DIAPH2: variants seen among roughly 807,000 people sequenced by gnomAD.
DIAPH2 encodes the protein diaphanous related formin 2, also known as protein diaphanous homolog 2.
DIAPH2 carries 35 observed loss-of-function variants against 92.7 expected under a neutral mutation model. The observed-to-expected ratio is 0.38, with a 90% CI of 0.29 to 0.50. The LOEUF (loss-of-function observed/expected upper bound fraction) is 0.50, where lower values mean the gene tolerates loss of function less well. Ranked by LOEUF, DIAPH2 falls within the 20% of genes least tolerant of loss-of-function variation. The probability of loss-of-function intolerance (pLI) is 0.94; values close to 1 mark genes in which losing one functional copy is unlikely to be tolerated. For synonymous variants in DIAPH2, 301 were observed against 280.4 expected (o/e 1.07, Z -0.73); for missense variants, 701 against 819.5 (o/e 0.86, Z 1.77).
intron 17 of DIAPH2, among the ~76,000 whole-genome samples, chrX:97,005,952 ACTT>A (rs1282151333): frequency 9.9e-6 from 1 of 100,816 alleles, no homozygotes; most frequent in Non-Finnish European, 2.0e-5. Context: ...ATAGCTCTAA[ACTT>A]CTTTGTAGTA....
intron 22 of DIAPH2, among the ~76,000 whole-genome samples, chrX:97,245,874 A>G (rs756113520): frequency 4.6e-5 from 5 of 109,550 alleles, no homozygotes; most frequent in African/African-American, 1.7e-4. Flanking sequence ...CCTAAATAAC[A>G]TAAGTGACTG....
intron 4 of DIAPH2, among the ~76,000 whole-genome samples, chrX:96,798,445 G>A (rs1430157110): frequency 9.1e-6 from 1 of 110,030 alleles, no homozygotes; most frequent in Non-Finnish European, 1.9e-5. Flanking sequence ...TTCAGTTCTC[G>A]AGTCTCATTT....
intron 21 of DIAPH2, among the ~76,000 whole-genome samples, chrX:97,139,445 T>TG (rs1277677662): frequency 2.0e-4 from 21 of 103,487 alleles, no homozygotes; most frequent in African/African-American, 6.6e-4. Context: ...TCTCTGTGTG[T>TG]TTTTTTTTTT....
chrX:97,459,911 T>A (rs2070444253), intron 26 of DIAPH2, among the ~76,000 whole-genome samples: 1 of 111,684 alleles, frequency 9.0e-6, no homozygotes, highest in African/African-American at 3.3e-5. Context: ...AGTTTCCTTA[T>A]CTGTAAAATG....
At chrX:96,825,604 A>G (rs1347717124) in intron 4 of DIAPH2, among the ~76,000 whole-genome samples, 3 of 111,226 alleles carry the variant, frequency 2.7e-5, no homozygotes, top group African/African-American at 9.8e-5. Flanking sequence ...TGTATTCTCT[A>G]TCCCTTAATA....
chrX:97,299,687 C>T (rs1265723481), intron 23 of DIAPH2, among the ~76,000 whole-genome samples: 3 of 111,499 alleles, frequency 2.7e-5, no homozygotes, highest in South Asian at 7.5e-4. Context: ...ATAAAAATAG[C>T]GCCAAATGTC....
At chrX:97,599,174 CT>C (rs1241114641) in intron 26 of DIAPH2, 78 bp from the exon 27 acceptor site, 1 of 683,901 alleles carries the variant, frequency 1.5e-6, no homozygotes, top group Non-Finnish European at 2.1e-6. Context: ...ATTTGAAAAC[CT>C]TTCTCAACCT....
At chrX:97,500,023 T>A (rs923124510) in intron 26 of DIAPH2, among the ~76,000 whole-genome samples, 4 of 112,516 alleles carry the variant, frequency 3.6e-5, no homozygotes, top group African/African-American at 1.3e-4. Context: ...AGCTGTTTGT[T>A]AGAACCACAT....
intron 4 of DIAPH2, among the ~76,000 whole-genome samples, chrX:96,862,293 G>A (rs916329802): frequency 1.8e-5 from 2 of 111,684 alleles, no homozygotes; most frequent in Non-Finnish European, 1.9e-5. Flanking sequence ...TTTGAGCACT[G>A]TCTTCTTGGT....
intron 26 of DIAPH2, among the ~76,000 whole-genome samples, chrX:97,594,707 T>A (rs1045257776): frequency 8.9e-6 from 1 of 112,558 alleles, no homozygotes; most frequent in African/African-American, 3.2e-5. Flanking sequence ...TCTTTTACTT[T>A]GTTTTCTAGC....
At chrX:97,238,435 T>C (rs766450049) in intron 22 of DIAPH2, among the ~76,000 whole-genome samples, 7 of 112,021 alleles carry the variant, frequency 6.2e-5, no homozygotes, top group Non-Finnish European at 1.3e-4. Flanking sequence ...TGAGAAAAAC[T>C]GCACTTTCTT....
In DIAPH2 at chrX:97,169,002, A is replaced by G. The variant is rs780535246; in HGVS notation, c.2719+27208A>G. ...GATCTAATTATTTCCCAAAGGCCCT[A>G]TCCCCAAATACCATCACACTAGGGA... On this transcript the variant is annotated intron_variant, in intron 22 of 26. Coordinates refer to ENST00000324765, the MANE Select transcript of DIAPH2 (RefSeq NM_006729.5). Among the ~76,000 whole-genome samples, 10 of 112,346 alleles carry G rather than the reference A, an allele frequency of 8.9e-5. No homozygotes were observed. In the East Asian group the frequency reaches 2.5e-3, roughly 28 times the overall value.
chrX:96,865,714 T>A (rs1213968218), intron 4 of DIAPH2, among the ~76,000 whole-genome samples: 1 of 112,210 alleles, frequency 8.9e-6, no homozygotes, highest in African/African-American at 3.2e-5. Context: ...GAATTTTTGT[T>A]CCCATTTATA....
intron 4 of DIAPH2, among the ~76,000 whole-genome samples, chrX:96,842,662 A>G (rs1216225146): frequency 8.9e-6 from 1 of 112,139 alleles, no homozygotes; most frequent in African/African-American, 3.2e-5. Context: ...AGATGATTAA[A>G]TGAAACTAAG....
At chrX:96,803,133 C>T (rs2064596740) in intron 4 of DIAPH2, among the ~76,000 whole-genome samples, 1 of 110,994 alleles carries the variant, frequency 9.0e-6, no homozygotes, top group Non-Finnish European at 1.9e-5. Context: ...CCTTTGGCAG[C>T]ACCCTCACAG....
chrX:97,232,528 C>G (rs946905909), intron 22 of DIAPH2, among the ~76,000 whole-genome samples: 8 of 111,487 alleles, frequency 7.2e-5, no homozygotes, highest in Non-Finnish European at 1.5e-4. Context: ...CACCCGGCCC[C>G]TCTTTCTTTT....
At chrX:97,251,495 C>T (rs1270500495) in intron 23 of DIAPH2, among the ~76,000 whole-genome samples, 2 of 108,345 alleles carry the variant, frequency 1.8e-5, no homozygotes, top group Non-Finnish European at 3.8e-5. Flanking sequence ...TGCAGTGGCG[C>T]GATCCCGGCT....
chrX:96,926,604 A>C, intron 9 of DIAPH2, among the ~76,000 whole-genome samples: 1 of 111,660 alleles, frequency 9.0e-6, no homozygotes, highest in East Asian at 2.8e-4. Flanking sequence ...GAAGGATCTT[A>C]ATGTGGTAGA....
At chrX:97,455,172 G>A (rs1569401943) in intron 26 of DIAPH2, among the ~76,000 whole-genome samples, 1 of 112,162 alleles carries the variant, frequency 8.9e-6, no homozygotes, top group Non-Finnish European at 1.9e-5. Flanking sequence ...AACTCACTGT[G>A]TGAGGTTTCT....
Sources: allele counts gnomAD v4.1 joint callset (sites outside exome capture counted in the v4.1 genomes callset), GRCh38; gene constraint gnomAD v4.1.1; transcripts MANE v1.5; gene names NCBI Gene and HGNC (gene_info 2026-07-23, HGNC 2026-07-21).